GARS1: variants seen among roughly 807,000 people sequenced by gnomAD.
GARS1 encodes the protein glycyl-tRNA synthetase 1.
A neutral mutation model predicts 86.4 loss-of-function variants in GARS1; 46 were observed. That is an observed-to-expected ratio of 0.53 (90% CI 0.42 to 0.68). GARS1 has a LOEUF of 0.68. Among genes scored for constraint, GARS1 ranks in the 30% least tolerant of loss-of-function variants. The pLI, the probability that GARS1 is intolerant of heterozygous loss-of-function variation, is 0.00. For missense variants in GARS1, 797 were observed against 915.6 expected (o/e 0.87, Z 1.67); for synonymous variants, 342 against 329.8 (o/e 1.04, Z -0.40).
chr7:30,622,485 T>C, intron 12 of GARS1, 23 bp downstream of exon 12: 1 of 1,613,720 alleles, frequency 6.2e-7, no homozygotes, highest in Non-Finnish European at 8.5e-7. Flanking sequence ...ATGTTTACTC[T>C]TCCATGGGCT....
chr7:30,624,408 A>C (rs893055141), intron 12 of GARS1, among the ~76,000 whole-genome samples: 1 of 152,224 alleles, frequency 6.6e-6, no homozygotes, highest in African/African-American at 2.4e-5. Context: ...ATTTCTTTAA[A>C]AGATAATGGA....
intron 10 of GARS1, among the ~76,000 whole-genome samples, chr7:30,619,222 G>A (rs1433720037): frequency 1.3e-5 from 2 of 152,130 alleles, no homozygotes; most frequent in Admixed American, 1.3e-4. Flanking sequence ...CCCACTGGAT[G>A]CCTGCTCGTC....
chr7:30,603,900 CG>C (rs1791431261), intron 6 of GARS1, among the ~76,000 whole-genome samples: 1 of 152,086 alleles, frequency 6.6e-6, no homozygotes, highest in Non-Finnish European at 1.5e-5. Flanking sequence ...GTGGAGACTT[CG>C]GGGCAGATAA....
intron 13 of GARS1, 70 bp from the exon 14 acceptor site, chr7:30,628,490 T>C (rs1783170556): frequency 2.0e-5 from 24 of 1,195,260 alleles, no homozygotes; most frequent in Non-Finnish European, 2.9e-5. Context: ...TGGTGAATTG[T>C]TTAGAGAGAA....
Position 30,632,321 on chromosome 7 carries a change from A to G in GARS1, c.1978A>G (p.Arg660Gly). 1 of 1,614,216 alleles carries G rather than the reference A, an allele frequency of 6.2e-7. No individual in the cohort carries two copies. The highest frequency in any genetic ancestry group is 2.2e-5 in the East Asian group (1 of 44,884). ...SSGSIGRRYA[R>G]TDEIGVAFGV... ...TGGGTCAATCGGAAGGCGCTATGCC[A>G]GGACTGATGAGATTGGCGTGGCTTT... The change falls in exon 16 of 17, where the codon AGG becomes GGG. Residue 660 changes from arginine (R) to glycine (G), a missense_variant. By Grantham distance (125) the Arg-to-Gly change is moderately radical. This residue lies in a region of GARS1 where 598 missense variants were observed against 738.7 expected (regional missense o/e 0.81). Transcript: ENST00000389266. This position sits in a 1 kb window ranked among gnomAD's most constrained non-coding sequence, Gnocchi z 4.1.
chr7:30,620,441 G>A (rs1782981486), intron 10 of GARS1, among the ~76,000 whole-genome samples: 2 of 152,144 alleles, frequency 1.3e-5, no homozygotes, highest in Admixed American at 1.3e-4. Context: ...AGCTCTCTGG[G>A]GTCCCAAATT....
Position 30,612,197 on chromosome 7 carries a change from A to G in GARS1, c.983A>G (p.Asn328Ser), listed in dbSNP as rs200405722. The G allele has an allele frequency of 1.2e-6, 2 of 1,614,132 alleles. No individual in the cohort carries two copies. Among genetic ancestry groups the G allele is most frequent in the Non-Finnish European group, 1.7e-6 (2 of 1,180,000 alleles). ...KLPFAAAQIG[N>S]SFRNEISPRS... is the part of the protein sequence containing the mutation. The stretch of plus-strand genomic sequence containing the variant: ...CCTTTTGCTGCTGCCCAGATTGGAA[A>G]TTCTTTTAGAAATGAGATCTCCCCT... Residue 328 changes from asparagine (N) to serine (S), a missense_variant, in exon 8 of 17, where the codon AAT (asparagine) becomes AGT (serine). Asn to Ser is a conservative substitution (Grantham distance 46). Coordinates refer to ENST00000389266, the MANE Select transcript of GARS1 (RefSeq NM_002047.4).
chr7:30,599,797 A>G, intron 2 of GARS1, 150 bp from the exon 3 acceptor site: 1 of 588,676 alleles, frequency 1.7e-6, no homozygotes, highest in South Asian at 2.3e-5. Flanking sequence ...AAAAAGACCT[A>G]TGGCTTCTAT....
Position 30,610,722 on chromosome 7 carries a change from ATTATAC to A in GARS1, c.881+996_881+1001del, listed in dbSNP as rs1791581960. On this transcript the variant is annotated intron_variant, in intron 7 of 16. Transcript: ENST00000389266. ...AGGAAATAATTCAGAAGGAAAGGAAATTATACTTAGAAGAAGTATATAAATTGAAAG... is the reference window on the plus strand; with the variant it reads ...AGGAAATAATTCAGAAGGAAAGGAAATTAGAAGAAGTATATAAATTGAAAG... Among the ~76,000 whole-genome samples, 5 of 152,362 alleles carry A rather than the reference ATTATAC, an allele frequency of 3.3e-5. No individual in the cohort carries two copies. In the South Asian group the frequency reaches 1.0e-3, roughly 32 times the overall value.
chr7:30,626,905 C>T (rs939285778), intron 13 of GARS1, among the ~76,000 whole-genome samples: 1 of 150,716 alleles, frequency 6.6e-6, no homozygotes, highest in Non-Finnish European at 1.5e-5. Flanking sequence ...CCCTTGAACC[C>T]GGGAGGTGGA....
intron 6 of GARS1, 143 bp downstream of exon 6, chr7:30,603,715 T>A: frequency 1.5e-6 from 1 of 679,452 alleles, no homozygotes; most frequent in Non-Finnish European, 2.6e-6. Context: ...GTATAGCGTC[T>A]CTTTTTTTGC....
In GARS1 at chr7:30,625,100, G is replaced by A. The variant is rs139928572; in HGVS notation, c.1614-1134G>A. ...TGGGACTACAGGTGTGCACCACCAC[G>A]CCTAGCTAATTTTTTGTATTTTTAG... On this transcript the variant is annotated intron_variant, in intron 12 of 16. Transcript: ENST00000389266. Among the ~76,000 whole-genome samples the A allele has an allele frequency of 3.8e-3, 580 of 152,168 alleles. 2 individuals are homozygous for A. Among genetic ancestry groups the A allele is most frequent in the Non-Finnish European group, 5.8e-3 (396 of 68,002 alleles).
chr7:30,631,522 G>T lies in GARS1; in HGVS notation c.1884G>T (p.Met628Ile). ...VLPLSQNQEF[M>I]PFVKELSEAL... ...CACTGAGCCAAAACCAGGAGTTCAT[G>T]CCATTTGTCAAGGAATTATGTAAGC... is the stretch of plus-strand genomic sequence containing the variant. The change falls in exon 15 of 17, where the codon ATG (methionine) becomes ATT (isoleucine). Residue 628 changes from methionine to isoleucine, a missense_variant. Met to Ile is a conservative substitution (Grantham distance 10). This residue lies in a region of GARS1 where 598 missense variants were observed against 738.7 expected (regional missense o/e 0.81). Transcript: ENST00000389266. 1 of 1,612,782 alleles carries T rather than the reference G, an allele frequency of 6.2e-7. No homozygotes were observed. Among genetic ancestry groups the T allele is most frequent in the East Asian group, 2.2e-5 (1 of 44,846 alleles).
In GARS1 at chr7:30,595,123, A is replaced by G; in HGVS notation, c.202A>G (p.Arg68Gly). The change falls in exon 1 of 17, where the codon AGG (arginine) becomes GGG (glycine). Residue 68 changes from arginine to glycine, a missense_variant. By Grantham distance (125) the Arg-to-Gly change is moderately radical. Around this residue, in one of 2 missense-constraint regions of GARS1, gnomAD observed 199 missense variants for 176.9 expected, o/e 1.12. Transcript: ENST00000389266. ...AGAEEVLAPL[R>G]LAVRQQGDLV... ...GGCTGAGGAGGTGCTGGCACCTCTG[A>G]GGCTAGCAGTGCGCCAGCAGGTACC... 1.3e-6 allele frequency: 2 copies of G among 1,538,950 alleles called. No homozygotes were observed. The highest frequency in any genetic ancestry group is 1.7e-6 in the Non-Finnish European group (2 of 1,147,848).
chr7:30,633,651 A>G, intron 16 of GARS1, 84 bp from the exon 17 acceptor site: 1 of 1,518,148 alleles, frequency 6.6e-7, no homozygotes, highest in Non-Finnish European at 9.1e-7. Context: ...GCTCTGTGTA[A>G]GGTTTCCTGA....
At chr7:30,607,062 A>T (rs561247942) in intron 6 of GARS1, among the ~76,000 whole-genome samples, 5 of 152,202 alleles carry the variant, frequency 3.3e-5, no homozygotes, top group Non-Finnish European at 7.3e-5. Context: ...AATGTTGAAA[A>T]CAGTTAAAAA....
chr7:30,615,552 G>A (rs1782874891), intron 8 of GARS1, among the ~76,000 whole-genome samples: 1 of 152,244 alleles, frequency 6.6e-6, no homozygotes, highest in African/African-American at 2.4e-5. Flanking sequence ...GGATGTAGCT[G>A]GAGGGAAGGA....
Position 30,633,870 on chromosome 7 carries a change from T to C in GARS1, c.*10T>C, listed in dbSNP as rs1584057406. The C allele has an allele frequency of 6.2e-7, 1 of 1,608,506 alleles. No homozygotes were observed. The highest frequency in any genetic ancestry group is 8.5e-7 in the Non-Finnish European group (1 of 1,178,210). On this transcript the variant is annotated 3_prime_UTR_variant, in exon 17 of 17. Transcript: ENST00000389266. ...GACAATCGAGGAATGAGGACAATTT[T>C]GACAACTTTTGACCACTTGCGCTAA...
In GARS1 at chr7:30,626,258, GA is replaced by G. The variant is rs1392271482; in HGVS notation, c.1642del (p.Thr548HisfsTer4). Reference protein sequence around the residue: ...KGEFTIETEGKTFQLTKDMIN... With the variant: ...KGEFTIETEGXTFQLTKDMIN... ...GGGAATTCACAATTGAAACTGAAGG[GA>G]AAACATTTCAGTTAACAAAAGACAT... On this transcript the variant is annotated frameshift_variant, in exon 13 of 17. Transcript: ENST00000389266. LOFTEE classifies it high-confidence loss of function. 6.2e-7 allele frequency: 1 copy of G among 1,608,382 alleles called. No individual in the cohort carries two copies. The highest frequency in any genetic ancestry group is 8.5e-7 in the Non-Finnish European group (1 of 1,175,038).
Sources: gnomAD v4.1 joint callset for allele counts (sites outside exome capture counted in the v4.1 genomes callset) on GRCh38, gnomAD v4.1.1 for gene constraint, gnomAD v4.1.1 regional missense constraint, Gnocchi (gnomAD v3.1) non-coding constraint, MANE v1.5 for transcripts, NCBI Gene and HGNC (gene_info 2026-07-23, HGNC 2026-07-21) for gene names.